Variants in LAS1L observed in about 807,000 individuals in gnomAD.
The protein encoded by LAS1L is ribosomal biogenesis protein LAS1L.
In LAS1L, 5 loss-of-function variants were observed where a neutral mutation model predicts 57.3. That is an observed-to-expected ratio of 0.09 (90% CI 0.05 to 0.18). LAS1L has a LOEUF of 0.18. Ranked by LOEUF, LAS1L falls within the 10% of genes least tolerant of loss-of-function variation. The probability of loss-of-function intolerance (pLI) is 1.00; values close to 1 mark genes in which losing one functional copy is unlikely to be tolerated. For missense variants in LAS1L, 360 were observed against 568.3 expected (o/e 0.63, Z 3.73); for synonymous variants, 245 against 231.7 (o/e 1.06, Z -0.52).
At chrX:65,520,318 G>T in intron 11 of LAS1L, 1 of 317,001 alleles carries the variant, frequency 3.2e-6, no homozygotes, top group Non-Finnish European at 4.2e-6. Context: ...GAGCCTCAAT[G>T]TCTTATCTGT....
chrX:65,512,711 T>G lies in LAS1L; in HGVS notation c.*64A>C. The G allele has an allele frequency of 9.1e-7, 1 of 1,100,413 alleles. No individual in the cohort carries two copies. Among genetic ancestry groups the G allele is most frequent in the East Asian group, 3.4e-5 (1 of 29,762 alleles). The allele number at this position is 1,100,413 out of a possible 1,213,427, so 90.7% of individuals were successfully genotyped here. A position where few individuals can be genotyped will look rare whatever the true frequency, so the allele number is the denominator to read the frequency against. On this transcript the variant is annotated 3_prime_UTR_variant, in exon 14 of 14. Coordinates refer to ENST00000374811, the MANE Select transcript of LAS1L (RefSeq NM_031206.7). Reference sequence around the variant, plus strand: ...CCCAGGTTGTCTCAGGGAGCATCAGTTGTACTAGGGGGTGGGCTGTTGCCC... The same window carrying G: ...CCCAGGTTGTCTCAGGGAGCATCAGGTGTACTAGGGGGTGGGCTGTTGCCC...
At chrX:65,524,503 C>G (rs2069025376) in intron 9 of LAS1L, 61 bp downstream of exon 9, 1 of 513,985 alleles carries the variant, frequency 1.9e-6, no homozygotes, top group East Asian at 3.6e-5. Context: ...ACAACTGACT[C>G]AAAATAAAGT....
intron 8 of LAS1L, 116 bp downstream of exon 8, chrX:65,524,849 C>T (rs775582701): frequency 2.0e-6 from 1 of 510,136 alleles, no homozygotes; most frequent in Non-Finnish European, 3.3e-6. Flanking sequence ...CTTTCAGAGG[C>T]CATGGAATGG....
At chrX:65,534,333 C>T in intron 1 of LAS1L, 147 bp downstream of exon 1, 1 of 460,126 alleles carries the variant, frequency 2.2e-6, no homozygotes, top group Non-Finnish European at 3.8e-6. Flanking sequence ...CAAGAGATGG[C>T]TGCCGCGTTC....
intron 5 of LAS1L, 76 bp downstream of exon 5, chrX:65,529,518 G>A (rs2069355654): frequency 9.6e-7 from 1 of 1,043,592 alleles, no homozygotes; most frequent in African/African-American, 1.9e-5. Flanking sequence ...TGCTGAGCCA[G>A]GGAAATAAAC....
In LAS1L at chrX:65,523,706, T is replaced by C; in HGVS notation, c.1302A>G (p.Gly434=). Residue 434 remains glycine (G), a splice_region_variant and synonymous_variant, in exon 11 of 14, where the codon GGA becomes GGG. Transcript: ENST00000374811. ...VELIVANTKT[G]RNARRFSAGQ... ...CTGCAGAAAATCGGCGAGCATTCCG[T>C]CCTGAGAGAGAAGAGAGGATCTAAG... 1 of 1,181,962 alleles carries C rather than the reference T, an allele frequency of 8.5e-7. No individual in the cohort carries two copies. Among genetic ancestry groups the C allele is most frequent in the Non-Finnish European group, 1.1e-6 (1 of 880,812 alleles).
intron 11 of LAS1L, chrX:65,519,010 G>GAA: frequency 2.7e-6 from 2 of 727,542 alleles, no homozygotes; most frequent in Non-Finnish European, 3.2e-6. Flanking sequence ...TGGAGGAAAA[G>GAA]AAAAAAAAAG....
At chrX:65,529,949 G>T in intron 4 of LAS1L, 71 bp from the exon 5 acceptor site, 7 of 982,302 alleles carry the variant, frequency 7.1e-6, no homozygotes, top group Non-Finnish European at 9.8e-6. Flanking sequence ...CTCATCTTGT[G>T]GGTATTATAG....
At chrX:65,520,331 A>T (rs1201513758) in intron 11 of LAS1L, 18 of 375,412 alleles carry the variant, frequency 4.8e-5, no homozygotes, top group Non-Finnish European at 6.1e-5. Context: ...TTATCTGTCA[A>T]ATAGGGTATA....
chrX:65,531,787 A>G (rs567825130), intron 3 of LAS1L, among the ~76,000 whole-genome samples: 3 of 111,683 alleles, frequency 2.7e-5, no homozygotes, highest in African/African-American at 9.8e-5. Context: ...ATCTCTACCA[A>G]AAATACAAAT....
intron 5 of LAS1L, 79 bp downstream of exon 5, chrX:65,529,515 C>T: frequency 9.7e-7 from 1 of 1,030,289 alleles, no homozygotes; most frequent in Non-Finnish European, 1.3e-6. Flanking sequence ...AAATGCTGAG[C>T]CAGGGAAATA....
chrX:65,513,190 G>C, intron 13 of LAS1L, among the ~76,000 whole-genome samples: 1 of 112,245 alleles, frequency 8.9e-6, no homozygotes, highest in African/African-American at 3.2e-5. Flanking sequence ...GTTGAGGTAG[G>C]GGAGGGGGCC....
chrX:65,525,748 CAAAAAAAAAAAA>C (rs772564998), intron 7 of LAS1L, among the ~76,000 whole-genome samples: 2 of 38,237 alleles, frequency 5.2e-5, no homozygotes, highest in South Asian at 2.6e-3. Context: ...TCTGATTTTT[CAAAAAAAAAAAA>C]AAAAAAAAGA....
chrX:65,520,059 A>G (rs966807414), intron 11 of LAS1L, among the ~76,000 whole-genome samples: 3 of 111,980 alleles, frequency 2.7e-5, no homozygotes, highest in Non-Finnish European at 5.6e-5. Flanking sequence ...AAAATGCCTT[A>G]TCAGCCCTGT....
chrX:65,524,891 C>T, intron 8 of LAS1L, 74 bp downstream of exon 8: 1 of 869,223 alleles, frequency 1.2e-6, no homozygotes, highest in Non-Finnish European at 1.7e-6. Flanking sequence ...CAACCCAGGG[C>T]CCCCCAGCCC....
intron 5 of LAS1L, 47 bp downstream of exon 5, chrX:65,529,547 G>C (rs1269368640): frequency 8.6e-7 from 1 of 1,162,755 alleles, no homozygotes; most frequent in Non-Finnish European, 1.2e-6. Flanking sequence ...CCCTAAGCCT[G>C]AGCCTTCTGG....
intron 2 of LAS1L, among the ~76,000 whole-genome samples, 157 bp downstream of exon 2, chrX:65,533,453 G>C (rs1569444463): frequency 1.8e-5 from 2 of 111,093 alleles, no homozygotes; most frequent in Non-Finnish European, 3.8e-5. Context: ...GGTACCAAAA[G>C]CTGATAAGTC....
At chrX:65,518,683 G>A in intron 11 of LAS1L, 1 of 491,780 alleles carries the variant, frequency 2.0e-6, no homozygotes, top group Middle Eastern at 1.3e-3. Flanking sequence ...GTAAAATGAG[G>A]ACAATAATGA....
At chrX:65,516,487 T>C (rs982362490) in intron 12 of LAS1L, among the ~76,000 whole-genome samples, 1 of 110,631 alleles carries the variant, frequency 9.0e-6, no homozygotes, top group African/African-American at 3.3e-5. Flanking sequence ...TACCCCTCCA[T>C]AGCCACCAAC....
Sources: allele counts gnomAD v4.1 joint callset (sites outside exome capture counted in the v4.1 genomes callset), GRCh38; gene constraint gnomAD v4.1.1; transcripts MANE v1.5; gene names NCBI Gene and HGNC (gene_info 2026-07-23, HGNC 2026-07-21).